MACROD2: variants seen among roughly 807,000 people sequenced by gnomAD.
MACROD2 encodes mono-ADP ribosylhydrolase 2, also known as ADP-ribose glycohydrolase MACROD2.
A neutral mutation model predicts 70.4 loss-of-function variants in MACROD2; 36 were observed. The observed-to-expected ratio is 0.51, with a 90% CI of 0.39 to 0.68. The LOEUF is 0.68. MACROD2 is among the 30% of genes least tolerant of loss of function. The probability of loss-of-function intolerance (pLI) is 0.00; values close to 1 mark genes in which losing one functional copy is unlikely to be tolerated. For synonymous variants in MACROD2, 172 were observed against 178.8 expected, an observed-to-expected ratio of 0.96 and a Z score of 0.30; for missense variants, 496 against 538.4, an observed-to-expected ratio of 0.92 and a Z score of 0.78.
At chr20:14,014,327 T>C (rs1159473741) in intron 2 of MACROD2, among the ~76,000 whole-genome samples, 1 of 150,326 alleles carries the variant, frequency 6.7e-6, no homozygotes, top group Non-Finnish European at 1.5e-5. Flanking sequence ...ACAGAGAAAT[T>C]GTATTTCATA....
At chr20:15,178,796 C>A (rs144601691) in intron 5 of MACROD2, among the ~76,000 whole-genome samples, 1 of 152,300 alleles carries the variant, frequency 6.6e-6, no homozygotes, top group East Asian at 1.9e-4. Flanking sequence ...CAGAAAGGTC[C>A]CTGGCATTGC....
chr20:14,878,296 C>T (rs117205833), intron 5 of MACROD2, among the ~76,000 whole-genome samples: 13 of 152,168 alleles, frequency 8.5e-5, no homozygotes, highest in East Asian at 5.8e-4. Context: ...GGCATTTGTA[C>T]GCAAAGGTAG....
intron 3 of MACROD2, among the ~76,000 whole-genome samples, chr20:14,219,855 G>A (rs1039835729): frequency 6.6e-6 from 1 of 152,172 alleles, no homozygotes; most frequent in Non-Finnish European, 1.5e-5. Flanking sequence ...GCACTTGTCT[G>A]CACAGAGTCC....
intron 8 of MACROD2, among the ~76,000 whole-genome samples, chr20:15,649,072 C>T (rs1475823573): frequency 4.1e-5 from 3 of 73,704 alleles, no homozygotes; most frequent in Non-Finnish European, 5.5e-5. Flanking sequence ...TTTCTCCTCC[C>T]CTCCCCTTCC....
At chr20:15,185,306 A>G (rs1040058741) in intron 5 of MACROD2, among the ~76,000 whole-genome samples, 3 of 152,186 alleles carry the variant, frequency 2.0e-5, no homozygotes, top group Non-Finnish European at 2.9e-5. Context: ...ATGAGATAAT[A>G]TAATATTCTT....
At chr20:15,456,348 A>G (rs891797209) in intron 7 of MACROD2, among the ~76,000 whole-genome samples, 1 of 152,146 alleles carries the variant, frequency 6.6e-6, no homozygotes, top group South Asian at 2.1e-4. Context: ...CCACGCAAGC[A>G]GTTTGGAGTT....
At chr20:15,956,015 C>A (rs1046096824) in intron 12 of MACROD2, among the ~76,000 whole-genome samples, 7 of 152,108 alleles carry the variant, frequency 4.6e-5, no homozygotes. Context: ...ATTTTACATT[C>A]TTTGTATGTG....
At chr20:15,700,229 C>T (rs1439146994) in intron 8 of MACROD2, among the ~76,000 whole-genome samples, 2 of 152,198 alleles carry the variant, frequency 1.3e-5, no homozygotes, top group African/African-American at 4.8e-5. Flanking sequence ...GCATGCTGCT[C>T]TGTCTAGAGC....
At chr20:15,401,421 G>T (rs996696275) in intron 6 of MACROD2, among the ~76,000 whole-genome samples, 1 of 152,086 alleles carries the variant, frequency 6.6e-6, no homozygotes, top group Admixed American at 6.5e-5. Context: ...TGTTTTCATC[G>T]GTACAGTTTG....
At chr20:15,879,951 A>G (rs750142273) in intron 9 of MACROD2, among the ~76,000 whole-genome samples, 1 of 152,052 alleles carries the variant, frequency 6.6e-6, no homozygotes, top group African/African-American at 2.4e-5. Context: ...AAAAACCCCA[A>G]TGGCCAACTA....
At chr20:15,251,244 C>G (rs1344572836) in intron 6 of MACROD2, among the ~76,000 whole-genome samples, 1 of 152,156 alleles carries the variant, frequency 6.6e-6, no homozygotes, top group African/African-American at 2.4e-5. Flanking sequence ...GATTCCCTGC[C>G]ACTGAGAAGC....
At chr20:15,248,919 G>T (rs1845823828) in intron 6 of MACROD2, among the ~76,000 whole-genome samples, 1 of 152,182 alleles carries the variant, frequency 6.6e-6, no homozygotes, top group Non-Finnish European at 1.5e-5. Flanking sequence ...TGGTTACAAG[G>T]AATTTATTGG....
intron 6 of MACROD2, among the ~76,000 whole-genome samples, chr20:15,306,515 G>C (rs982468496): frequency 1.3e-5 from 2 of 152,136 alleles, no homozygotes; most frequent in African/African-American, 4.8e-5. Flanking sequence ...GGTGTTTAAG[G>C]GGGGAGAGTT....
intron 6 of MACROD2, among the ~76,000 whole-genome samples, chr20:15,368,360 AG>A (rs1326567951): frequency 6.6e-6 from 1 of 152,078 alleles, no homozygotes; most frequent in Admixed American, 6.6e-5. Flanking sequence ...GAAGTTCCTT[AG>A]GGGAGAGAAA....
chr20:15,029,183 C>T (rs547602767), intron 5 of MACROD2, among the ~76,000 whole-genome samples: 1 of 152,290 alleles, frequency 6.6e-6, no homozygotes, highest in South Asian at 2.1e-4. Flanking sequence ...ACTGCCACGC[C>T]TCCTCTCCCA....
intron 4 of MACROD2, among the ~76,000 whole-genome samples, chr20:14,607,477 C>T (rs1474890683): frequency 1.3e-5 from 2 of 152,104 alleles, no homozygotes; most frequent in Non-Finnish European, 2.9e-5. Context: ...CTCAACTGCA[C>T]TGTGATTTTA....
chr20:14,195,295 T>C (rs534246101), intron 3 of MACROD2, among the ~76,000 whole-genome samples: 1 of 152,200 alleles, frequency 6.6e-6, no homozygotes, highest in East Asian at 1.9e-4. Flanking sequence ...GAAACTCTCC[T>C]TGTTGCCTTG....
chr20:14,214,196 G>T (rs1190289663), intron 3 of MACROD2, among the ~76,000 whole-genome samples: 1 of 152,124 alleles, frequency 6.6e-6, no homozygotes. Context: ...TACGCTTTGA[G>T]AAATTGCTGA....
intron 5 of MACROD2, among the ~76,000 whole-genome samples, chr20:15,214,667 T>G (rs1411033742): frequency 3.9e-5 from 6 of 152,228 alleles, no homozygotes; most frequent in Non-Finnish European, 8.8e-5. Context: ...TCCTTTAGAA[T>G]GGTTAATTTG....
Sources: gnomAD v4.1 joint callset for allele counts (sites outside exome capture counted in the v4.1 genomes callset) on GRCh38, gnomAD v4.1.1 for gene constraint, MANE v1.5 for transcripts, NCBI Gene and HGNC (gene_info 2026-07-23, HGNC 2026-07-21) for gene names.